The following TSPEAR variants were observed in gnomAD, a reference collection of about 807,000 sequenced individuals.
The protein encoded by TSPEAR is thrombospondin-type laminin G domain and EAR repeat-containing protein.
TSPEAR carries 69 observed loss-of-function variants against 71.6 expected under a neutral mutation model. The observed-to-expected ratio is 0.96, with a 90% CI of 0.79 to 1.18. TSPEAR has a LOEUF of 1.18. Ranked by LOEUF, TSPEAR falls within the 50% of genes most tolerant of loss-of-function variation. TSPEAR has a pLI of 0.00. For synonymous variants in TSPEAR, 402 were observed against 387.2 expected (o/e 1.04, Z -0.45); for missense variants, 971 against 894.9 (o/e 1.09, Z -1.09).
intron 1 of TSPEAR, chr21:44,657,969 C>T: frequency 6.2e-7 from 1 of 1,610,638 alleles, no homozygotes; most frequent in Non-Finnish European, 8.5e-7. Flanking sequence ...CCAGCCCAGC[C>T]ACACGCCACC....
In TSPEAR at chr21:44,601,002, T is replaced by C. The variant is rs365668; in HGVS notation, c.83-32997A>G. The C allele has an allele frequency of 3.2e-4, 521 of 1,605,942 alleles. 18 individuals are homozygous for C. In the African/African-American group the frequency reaches 5.5e-3, roughly 17 times the overall value. On this transcript the variant is annotated intron_variant, in intron 1 of 11. Transcript: ENST00000323084. Reference sequence around the variant, plus strand: ...GCTGCAAGCCTGTGTACTGTGTGCCTGTCTGCAGTGGGGATTCTTCATGCT... The same window carrying C: ...GCTGCAAGCCTGTGTACTGTGTGCCCGTCTGCAGTGGGGATTCTTCATGCT...
At chr21:44,614,737 G>C (rs1210939931) in intron 1 of TSPEAR, among the ~76,000 whole-genome samples, 1 of 152,212 alleles carries the variant, frequency 6.6e-6, no homozygotes, top group Non-Finnish European at 1.5e-5. Context: ...TCCATAAGCA[G>C]ACAGTAACCT....
intron 1 of TSPEAR, chr21:44,690,724 T>G (rs1332840999): frequency 2.5e-6 from 1 of 402,016 alleles, no homozygotes; most frequent in Admixed American, 6.4e-5. Context: ...TAAGGCTAAG[T>G]AGCATGTATT....
intron 1 of TSPEAR, among the ~76,000 whole-genome samples, chr21:44,644,755 AAGAG>A (rs1355112725): frequency 6.6e-6 from 1 of 152,232 alleles, no homozygotes; most frequent in Admixed American, 6.5e-5. Context: ...AAGTCATAAA[AAGAG>A]AGACCAGGAA....
chr21:44,616,641 C>T (rs1174793197), intron 1 of TSPEAR, among the ~76,000 whole-genome samples: 5 of 152,212 alleles, frequency 3.3e-5, no homozygotes, highest in Non-Finnish European at 7.3e-5. Context: ...TACCTGGAAC[C>T]CGAGACCCTG....
rs1988149634 is a variant in TSPEAR at position 44,710,271 on chromosome 21, C to T, written c.82+1162G>A. On this transcript the variant is annotated intron_variant, in intron 1 of 11. Transcript: ENST00000323084. This position sits in a 1 kb window ranked among gnomAD's most constrained non-coding sequence, Gnocchi z 4.6. ...AGGCAGTCCCTGCGGGCAGGTGCAG[C>T]TGTGCGGGAGCTTCAGTCCTGTCCC... Among the ~76,000 whole-genome samples the T allele has an allele frequency of 6.6e-6, 1 of 152,210 alleles. No individual in the cohort carries two copies.
At chr21:44,505,009 C>T in intron 10 of TSPEAR, 128 bp from the exon 11 acceptor site, 1 of 681,966 alleles carries the variant, frequency 1.5e-6, no homozygotes, top group South Asian at 1.6e-5. Context: ...GATTTTCTCA[C>T]AGTCACATAT....
intron 2 of TSPEAR, among the ~76,000 whole-genome samples, chr21:44,557,369 G>A (rs1355737224): frequency 6.6e-6 from 1 of 152,252 alleles, no homozygotes; most frequent in African/African-American, 2.4e-5. Flanking sequence ...TGGACCCACA[G>A]AGACTTCAGG....
intron 1 of TSPEAR, among the ~76,000 whole-genome samples, chr21:44,709,619 G>A (rs975740220): frequency 2.6e-5 from 4 of 152,248 alleles, no homozygotes; most frequent in African/African-American, 9.6e-5. Flanking sequence ...CACCCGCCGC[G>A]GCTCCACGCC....
chr21:44,519,192 C>T (rs1434110036), intron 9 of TSPEAR: 1 of 152,176 alleles, frequency 6.6e-6, no homozygotes, highest in African/African-American at 2.5e-5. Flanking sequence ...CCATGCCAGG[C>T]TAATTTTTTT....
At chr21:44,580,478 G>T (rs782390390) in intron 1 of TSPEAR, 6 of 1,613,308 alleles carry the variant, frequency 3.7e-6, no homozygotes, top group Non-Finnish European at 5.1e-6. Context: ...CAGGCAGGGG[G>T]CGGTGCCGCA....
At chr21:44,518,524 T>A (rs782319312) in intron 9 of TSPEAR, 18 of 403,764 alleles carry the variant, frequency 4.5e-5, no homozygotes, top group Non-Finnish European at 8.3e-5. Flanking sequence ...CTTTGTGATT[T>A]AGAATGCAGG....
rs146378555 is a variant in TSPEAR, at chr21:44,637,866, T to A, written c.83-69861A>T. The A allele has an allele frequency of 3.3e-6, 5 of 1,531,552 alleles. No individual in the cohort carries two copies. In the African/African-American group the frequency reaches 6.9e-5, roughly 21 times the overall value. The allele number at this position is 1,531,552 out of a possible 1,614,324, so 94.9% of individuals were successfully genotyped here. On this transcript the variant is annotated intron_variant, in intron 1 of 11. Transcript: ENST00000323084. ...TGCCAGCAGGCCTGCTGTGTGCCTG[T>A]CTGCTCTAAGTCCGTCTGCTATGTG...
At chr21:44,684,622 G>A in intron 1 of TSPEAR, among the ~76,000 whole-genome samples, 1 of 152,230 alleles carries the variant, frequency 6.6e-6, no homozygotes, top group East Asian at 1.9e-4. Context: ...TGCGCTGCAG[G>A]CAACGTGGAC....
intron 8 of TSPEAR, among the ~76,000 whole-genome samples, chr21:44,523,429 A>G (rs1416989877): frequency 6.6e-6 from 1 of 152,024 alleles, no homozygotes; most frequent in Non-Finnish European, 1.5e-5. Context: ...TCAGGTAGTT[A>G]GTCAGGTAGT....
rs1374312168 is a variant in TSPEAR at position 44,518,351 on chromosome 21, G to C, written c.1566+3532C>G. The stretch of plus-strand genomic sequence containing the variant: ...TGGCCAGGTACGCTCTGGGGCACTG[G>C]GGCATCTTGAGCACCTTGGTGCAGT... On this transcript the variant is annotated intron_variant, in intron 9 of 11. Transcript: ENST00000323084. The C allele has an allele frequency of 8.7e-6, 4 of 458,452 alleles. No homozygotes were observed. In the East Asian group the frequency reaches 2.8e-4, roughly 32 times the overall value. 28.4% of individuals were successfully genotyped at this position (458,452 alleles called of 1,614,324 possible).
intron 11 of TSPEAR, among the ~76,000 whole-genome samples, chr21:44,503,731 G>C (rs1273855834): frequency 8.0e-6 from 1 of 125,124 alleles, no homozygotes; most frequent in African/African-American, 3.3e-5. Context: ...GGGAAGCAAG[G>C]CTCTGGGAGG....
At chr21:44,510,917 A>T (rs1057402242) in intron 9 of TSPEAR, 1 of 152,240 alleles carries the variant, frequency 6.6e-6, no homozygotes, top group Non-Finnish European at 1.5e-5. Flanking sequence ...TTCCCGGGTC[A>T]GCGCGCCCTC....
intron 2 of TSPEAR, among the ~76,000 whole-genome samples, chr21:44,563,706 A>G (rs1031673752): frequency 6.6e-5 from 10 of 152,206 alleles, no homozygotes; most frequent in Non-Finnish European, 1.5e-5. Flanking sequence ...ACATAAAGTC[A>G]TTGCAAATAC....
Sources: allele counts gnomAD v4.1 joint callset (sites outside exome capture counted in the v4.1 genomes callset), GRCh38; gene constraint gnomAD v4.1.1; non-coding constraint Gnocchi (gnomAD v3.1); transcripts MANE v1.5; gene names NCBI Gene and HGNC (gene_info 2026-07-23, HGNC 2026-07-21).